The following OCLN variants were observed in gnomAD, a reference collection of about 807,000 sequenced individuals.
OCLN encodes the protein occludin, also known as phosphatase 1, regulatory subunit 115.
Under a neutral mutation model 47.9 loss-of-function variants are expected in OCLN, and 21 were observed. The observed-to-expected ratio is 0.44, with a 90% CI of 0.31 to 0.63. The LOEUF is 0.63. OCLN is among the 30% of genes least tolerant of loss of function. The pLI is 0.08. For synonymous variants in OCLN, 117 were observed against 198.4 expected, an observed-to-expected ratio of 0.59 and a Z score of 3.45; for missense variants, 360 against 571.0, an observed-to-expected ratio of 0.63 and a Z score of 3.77.
chr5:69,528,893 T>C (rs1561347498), intron 4 of OCLN, among the ~76,000 whole-genome samples: 1 of 152,088 alleles, frequency 6.6e-6, no homozygotes, highest in Non-Finnish European at 1.5e-5. Context: ...AGCCTGACTC[T>C]CTCCCATGTG....
chr5:69,526,825 A>G (rs1264077322), intron 4 of OCLN, among the ~76,000 whole-genome samples: 1 of 152,210 alleles, frequency 6.6e-6, no homozygotes, highest in Non-Finnish European at 1.5e-5. Context: ...TTGGCCATAC[A>G]TTCCTATTCA....
Position 69,545,063 on chromosome 5 carries a change from G to A in OCLN, c.1197G>A (p.Glu399=). 1 of 1,613,862 alleles carries A rather than the reference G, an allele frequency of 6.2e-7. No homozygotes were observed. Among genetic ancestry groups the A allele is most frequent in the Non-Finnish European group, 8.5e-7 (1 of 1,179,862 alleles). ...AGAGAACAGAGCAAGATCACTATGA[G>A]ACAGACTACACAACTGGCGGCGAGT... ...RSKRTEQDHY[E]TDYTTGGESC... The change falls in exon 6 of 9, where the codon GAG becomes GAA. Residue 399 remains glutamate (E), a synonymous_variant. Transcript: ENST00000396442.
At chr5:69,533,757 A>G (rs1769513000) in intron 4 of OCLN, among the ~76,000 whole-genome samples, 1 of 152,180 alleles carries the variant, frequency 6.6e-6, no homozygotes, top group Non-Finnish European at 1.5e-5. Context: ...GGTTCAAGTG[A>G]TTCTCTTGCC....
In OCLN at chr5:69,519,493, C is replaced by T. The variant is rs1434898628; in HGVS notation, c.891+5384C>T. ...CCTTCCTTTTTCTGGATATCTTGTT[C>T]CTTGTAAAATAAACAGCTCATGTTT... On this transcript the variant is annotated intron_variant, in intron 4 of 8. Coordinates refer to ENST00000396442, the MANE Select transcript of OCLN (RefSeq NM_001205254.2). Among the ~76,000 whole-genome samples the T allele has an allele frequency of 2.0e-5, 3 of 152,172 alleles. No homozygotes were observed. In the East Asian group the frequency reaches 5.8e-4, roughly 29 times the overall value.
intron 4 of OCLN, among the ~76,000 whole-genome samples, chr5:69,530,375 G>GC (rs1245802967): frequency 6.6e-6 from 1 of 151,942 alleles, no homozygotes; most frequent in Non-Finnish European, 1.5e-5. Context: ...ACTTTGTATT[G>GC]CCCCCTCCAA....
At chr5:69,548,863 G>A (rs1370847399) in intron 7 of OCLN, among the ~76,000 whole-genome samples, 3 of 150,966 alleles carry the variant, frequency 2.0e-5, no homozygotes, top group African/African-American at 7.3e-5. Flanking sequence ...GGGAGGCTGA[G>A]ACAGGAGAAT....
rs77441195 is a variant in OCLN at position 69,528,823 on chromosome 5, C to G, written c.892-5871C>G. ...GCTGAATACTCAACAGGTGAACTTC[C>G]CTTTCCTTCTTAGAGGTAGATGGCT... On this transcript the variant is annotated intron_variant, in intron 4 of 8. Transcript: ENST00000396442. Among the ~76,000 whole-genome samples the G allele has an allele frequency of 6.2e-3, 943 of 152,290 alleles. 12 individuals carry two copies. The highest frequency in any genetic ancestry group is 0.022 in the African/African-American group (904 of 41,552).
chr5:69,502,934 A>G (rs921671515), intron 1 of OCLN, among the ~76,000 whole-genome samples: 1 of 152,212 alleles, frequency 6.6e-6, no homozygotes, highest in Non-Finnish European at 1.5e-5. Flanking sequence ...TCAAACTAGC[A>G]TAGTGAAAAG....
At chr5:69,528,078 C>T (rs1769331478) in intron 4 of OCLN, among the ~76,000 whole-genome samples, 2 of 152,216 alleles carry the variant, frequency 1.3e-5, no homozygotes, top group South Asian at 4.1e-4. Context: ...AGATGTGGGA[C>T]CGTCTGCCTT....
chr5:69,533,719 C>T (rs1374527620), intron 4 of OCLN, among the ~76,000 whole-genome samples: 1 of 152,200 alleles, frequency 6.6e-6, no homozygotes, highest in Non-Finnish European at 1.5e-5. Flanking sequence ...ATGGCACTAT[C>T]TCTGCTCACT....
Position 69,555,570 on chromosome 5 carries a change from A to G in OCLN, c.*1899A>G, listed in dbSNP as rs1302023751. 6.6e-6 allele frequency: 1 copy of G among 152,028 alleles called. No homozygotes were observed. The highest frequency in any genetic ancestry group is 1.5e-5 in the Non-Finnish European group (1 of 68,016). The allele number at this position is 152,028 out of a possible 1,614,324, so 9.4% of individuals were successfully genotyped here. ...AGGCGTGAGCCACTGTGCCCGGCCT[A>G]TAATTTTTGATAGATGATTTTGAAT... On this transcript the variant is annotated 3_prime_UTR_variant, in exon 9 of 9. Coordinates refer to ENST00000396442, the MANE Select transcript of OCLN (RefSeq NM_001205254.2).
rs1247183815 is a variant in OCLN, at chr5:69,493,452, A to G, written c.-69+552A>G. On this transcript the variant is annotated intron_variant, in intron 1 of 8. Transcript: ENST00000396442. This position sits in a 1 kb window ranked among gnomAD's most constrained non-coding sequence, Gnocchi z 5.3. ...ACGGGGGCTGGATTCAATCTGTGAA[A>G]TATTCCAGGAGTCACGGTGTGGGCC... Among the ~76,000 whole-genome samples the G allele has an allele frequency of 6.6e-6, 1 of 152,056 alleles. No individual in the cohort carries two copies. Among genetic ancestry groups the G allele is most frequent in the Non-Finnish European group, 1.5e-5 (1 of 68,006 alleles).
At chr5:69,533,884 T>G (rs1297088542) in intron 4 of OCLN, among the ~76,000 whole-genome samples, 2 of 152,144 alleles carry the variant, frequency 1.3e-5, no homozygotes, top group Non-Finnish European at 2.9e-5. Context: ...ATGGTCTCGA[T>G]CTCCTGACCT....
chr5:69,515,176 G>A (rs1241900328), intron 4 of OCLN, among the ~76,000 whole-genome samples: 126 of 104,106 alleles, frequency 1.2e-3, no homozygotes, highest in Middle Eastern at 8.8e-3. Flanking sequence ...CCTCCCTCCC[G>A]GACGGGGCGG....
chr5:69,536,893 G>T (rs1000420746), intron 5 of OCLN, among the ~76,000 whole-genome samples: 3 of 151,486 alleles, frequency 2.0e-5, no homozygotes, highest in Non-Finnish European at 4.4e-5. Flanking sequence ...GCGTGAACCC[G>T]GGAGGTGGAG....
At position 69,493,434 on chromosome 5, in the gene OCLN, C is replaced by T. The variant is rs540438198; in HGVS notation, c.-69+534C>T. ...TTTGGATATCCCGGGGAGACGGGGG[C>T]TGGATTCAATCTGTGAAATATTCCA... On this transcript the variant is annotated intron_variant, in intron 1 of 8. Transcript: ENST00000396442. The surrounding 1 kb of genome is among the most constrained non-coding windows in gnomAD (Gnocchi z 5.3). Among the ~76,000 whole-genome samples the T allele has an allele frequency of 1.3e-5, 2 of 152,214 alleles. No homozygotes were observed. Among genetic ancestry groups the T allele is most frequent in the African/African-American group, 4.8e-5 (2 of 41,548 alleles).
At chr5:69,505,216 C>G (rs1240449108) in intron 2 of OCLN, among the ~76,000 whole-genome samples, 1 of 152,142 alleles carries the variant, frequency 6.6e-6, no homozygotes, top group Non-Finnish European at 1.5e-5. Context: ...CGCCATTGCA[C>G]TCTAGACTGG....
intron 4 of OCLN, among the ~76,000 whole-genome samples, chr5:69,515,286 C>T (rs540569997): frequency 6.4e-4 from 90 of 141,692 alleles, no homozygotes; most frequent in African/African-American, 2.3e-3. Flanking sequence ...GGGGGCTGAC[C>T]CCCCCACCTC....
intron 1 of OCLN, among the ~76,000 whole-genome samples, chr5:69,499,864 C>T (rs1207361055): frequency 2.0e-5 from 3 of 152,236 alleles, no homozygotes; most frequent in Non-Finnish European, 2.9e-5. Context: ...GGATCACAGG[C>T]GTGAACCACT....
Sources: allele counts gnomAD v4.1 joint callset (sites outside exome capture counted in the v4.1 genomes callset), GRCh38; gene constraint gnomAD v4.1.1; non-coding constraint Gnocchi (gnomAD v3.1); transcripts MANE v1.5; gene names NCBI Gene and HGNC (gene_info 2026-07-23, HGNC 2026-07-21).